Variants in PCDH9 observed in about 807,000 individuals in gnomAD.
PCDH9 encodes the protein protocadherin-9.
PCDH9 carries 24 observed loss-of-function variants against 70.6 expected under a neutral mutation model. The ratio of observed to expected loss-of-function variants is 0.34; its 90% CI spans 0.25 to 0.48. The LOEUF is 0.48. PCDH9 is among the 20% of genes least tolerant of loss of function. The pLI is 0.99. For missense variants in PCDH9, 1,281 were observed against 1,503.6 expected, an observed-to-expected ratio of 0.85 and a Z score of 2.45; for synonymous variants, 562 against 558.5, an observed-to-expected ratio of 1.01 and a Z score of -0.09.
chr13:66,892,877 T>C (rs1465700408), intron 3 of PCDH9, among the ~76,000 whole-genome samples: 1 of 152,144 alleles, frequency 6.6e-6, no homozygotes, highest in African/African-American at 2.4e-5. Flanking sequence ...AGCACACCTT[T>C]GATATCATAT....
intron 3 of PCDH9, among the ~76,000 whole-genome samples, chr13:66,646,793 G>A (rs368664611): frequency 1.7e-4 from 26 of 152,260 alleles, no homozygotes; most frequent in Middle Eastern, 3.4e-3. Context: ...TGAAAGAGGC[G>A]TTGAAGAGGG....
chr13:66,815,884 C>G (rs555969837), intron 3 of PCDH9, among the ~76,000 whole-genome samples: 1 of 152,102 alleles, frequency 6.6e-6, no homozygotes, highest in Non-Finnish European at 1.5e-5. Flanking sequence ...AGCTATATAA[C>G]AAACCTGTAC....
intron 4 of PCDH9, among the ~76,000 whole-genome samples, chr13:66,505,940 G>A (rs543989349): frequency 7.2e-5 from 11 of 152,048 alleles, no homozygotes; most frequent in Non-Finnish European, 1.3e-4. Context: ...CTGCCACCAC[G>A]CCCAACTCAA....
rs11841028 is a variant in PCDH9, at chr13:67,178,651, A to T, written c.3036+46754T>A. ...CTTAAGTGCCACTCTTATTCACCCC[A>T]GGTCTCTGCGTATGCTGTTGCATTT... is the stretch of plus-strand genomic sequence containing the variant. On this transcript the variant is annotated intron_variant, in intron 2 of 4. Coordinates refer to ENST00000377865, the MANE Select transcript of PCDH9 (RefSeq NM_203487.3). Among the ~76,000 whole-genome samples, 913 of 152,106 alleles carry T rather than the reference A, an allele frequency of 6.0e-3. 6 individuals are homozygous for T. The highest frequency in any genetic ancestry group is 0.021 in the African/African-American group (875 of 41,538).
chr13:67,050,227 G>A (rs1246987475), intron 2 of PCDH9, among the ~76,000 whole-genome samples: 1 of 152,152 alleles, frequency 6.6e-6, no homozygotes, highest in Non-Finnish European at 1.5e-5. Flanking sequence ...CATTTATTAT[G>A]AAGGGTTCCT....
At chr13:67,103,455 T>C (rs1015133027) in intron 2 of PCDH9, among the ~76,000 whole-genome samples, 1 of 152,182 alleles carries the variant, frequency 6.6e-6, no homozygotes, top group African/African-American at 2.4e-5. Context: ...AGAATGTATA[T>C]ATTGCCTAAT....
At chr13:66,578,336 A>G (rs1415290507) in intron 4 of PCDH9, among the ~76,000 whole-genome samples, 1 of 152,058 alleles carries the variant, frequency 6.6e-6, no homozygotes, top group Non-Finnish European at 1.5e-5. Context: ...TGAGTTGAGT[A>G]TTATTCATTG....
At chr13:67,055,346 G>C (rs1028973478) in intron 2 of PCDH9, among the ~76,000 whole-genome samples, 4 of 152,168 alleles carry the variant, frequency 2.6e-5, no homozygotes, top group Non-Finnish European at 4.4e-5. Flanking sequence ...CAGTTGTTAA[G>C]ATTTTAAGAT....
In PCDH9 at chr13:67,026,980, C is replaced by T. The variant is rs547440901; in HGVS notation, c.3037-123375G>A. On this transcript the variant is annotated intron_variant, in intron 2 of 4. Transcript: ENST00000377865. Reference sequence around the variant, plus strand: ...GGAAGAATCAATATCGTGAAAATGGCCATACTGCCCAAGGTAATTTATAGA... The same window carrying T: ...GGAAGAATCAATATCGTGAAAATGGTCATACTGCCCAAGGTAATTTATAGA... Among the ~76,000 whole-genome samples the T allele has an allele frequency of 2.0e-5, 3 of 152,254 alleles. No individual in the cohort carries two copies. The South Asian group carries it at 6.2e-4, about 32-fold the overall frequency.
At chr13:66,508,584 CT>C (rs1350782166) in intron 4 of PCDH9, among the ~76,000 whole-genome samples, 1 of 152,124 alleles carries the variant, frequency 6.6e-6, no homozygotes, top group Non-Finnish European at 1.5e-5. Flanking sequence ...ACATCAAGAA[CT>C]TTGTACCACT....
chr13:66,371,373 T>A (rs1349700924), intron 4 of PCDH9, among the ~76,000 whole-genome samples: 2 of 152,090 alleles, frequency 1.3e-5, no homozygotes, highest in Admixed American at 1.3e-4. Flanking sequence ...CTTAGTGTGA[T>A]CAAAGAAAGA....
intron 4 of PCDH9, among the ~76,000 whole-genome samples, chr13:66,512,685 G>GTCTATTTTAGACTTATCAC (rs144700162): frequency 0.024 from 3,682 of 152,088 alleles, 157 homozygotes; most frequent in African/African-American, 0.085. Flanking sequence ...ATCACAAAAA[G>GTCTATTTTAGACTTATCAC]AAAAATTATT....
chr13:67,154,376 G>C (rs2138395482), intron 2 of PCDH9, among the ~76,000 whole-genome samples: 1 of 152,022 alleles, frequency 6.6e-6, no homozygotes. Context: ...CTTAGGTTAG[G>C]TGGATCGCCT....
intron 3 of PCDH9, among the ~76,000 whole-genome samples, chr13:66,733,854 T>C (rs951812245): frequency 5.9e-5 from 9 of 152,172 alleles, no homozygotes; most frequent in African/African-American, 1.9e-4. Flanking sequence ...TGAGTTCTTA[T>C]GAAATAACAA....
chr13:66,878,593 T>A (rs546079588), intron 3 of PCDH9, among the ~76,000 whole-genome samples: 2 of 152,276 alleles, frequency 1.3e-5, no homozygotes, highest in Admixed American at 6.5e-5. Flanking sequence ...TTATCTTTAA[T>A]GGAGAATGAT....
chr13:66,611,522 T>C (rs1370718143), intron 4 of PCDH9, among the ~76,000 whole-genome samples: 1 of 152,118 alleles, frequency 6.6e-6, no homozygotes, highest in East Asian at 1.9e-4. Flanking sequence ...TTCAAAGCTG[T>C]TTTTCAGCTA....
chr13:66,737,419 T>A (rs2079168730), intron 3 of PCDH9, among the ~76,000 whole-genome samples: 1 of 152,218 alleles, frequency 6.6e-6, no homozygotes, highest in African/African-American at 2.4e-5. Context: ...AAAAGTGGGC[T>A]ACCCACATGA....
At chr13:66,700,511 A>G (rs2078623882) in intron 3 of PCDH9, among the ~76,000 whole-genome samples, 1 of 152,140 alleles carries the variant, frequency 6.6e-6, no homozygotes, top group Non-Finnish European at 1.5e-5. Context: ...CAACTTCTGT[A>G]TTGTTTTACT....
At chr13:66,637,029 A>G (rs1182339110) in intron 3 of PCDH9, among the ~76,000 whole-genome samples, 3 of 152,130 alleles carry the variant, frequency 2.0e-5, no homozygotes, top group Non-Finnish European at 2.9e-5. Context: ...TATTCACTAG[A>G]AATATTTTGA....
Sources: gnomAD v4.1 joint callset for allele counts (sites outside exome capture counted in the v4.1 genomes callset) on GRCh38, gnomAD v4.1.1 for gene constraint, MANE v1.5 for transcripts, NCBI Gene and HGNC (gene_info 2026-07-23, HGNC 2026-07-21) for gene names.